Variants in MTNR1A observed in about 807,000 individuals in gnomAD.
MTNR1A encodes the protein melatonin receptor 1A.
MTNR1A carries 7 observed loss-of-function variants against 5.5 expected under a neutral mutation model. That is an observed-to-expected ratio of 1.28 (90% CI 0.73 to 2.40). The LOEUF (loss-of-function observed/expected upper bound fraction) is 2.40, where lower values mean the gene tolerates loss of function less well. Among genes scored for constraint, MTNR1A ranks in the 30% most tolerant of loss-of-function variants. The pLI is 0.00. For synonymous variants in MTNR1A, 196 were observed against 202.7 expected (o/e 0.97, Z 0.28); for missense variants, 441 against 464.4 (o/e 0.95, Z 0.46).
chr4:186,550,060 A>G (rs1737236619), intron 1 of MTNR1A, among the ~76,000 whole-genome samples: 1 of 152,222 alleles, frequency 6.6e-6, no homozygotes, highest in Non-Finnish European at 1.5e-5. Context: ...ACAGCTCTGT[A>G]GAAAGACAAG....
At chr4:186,544,174 C>T (rs1737088337) in intron 1 of MTNR1A, among the ~76,000 whole-genome samples, 1 of 152,112 alleles carries the variant, frequency 6.6e-6, no homozygotes, top group African/African-American at 2.4e-5. Flanking sequence ...GTGCACGCCA[C>T]CATGCCCAGC....
chr4:186,534,053 T>G lies in MTNR1A; in HGVS notation c.689A>C (p.Lys230Thr). Residue 230 changes from lysine (K) to threonine (T), a missense_variant, in exon 2 of 2, where the codon AAA (lysine) becomes ACA (threonine). Physicochemically the swap from Lys to Thr is moderately conservative, Grantham distance 78. Coordinates refer to ENST00000307161, the MANE Select transcript of MTNR1A (RefSeq NM_005958.4). Reference sequence around the variant, plus strand: ...GACAAAATTCCTGAAGTCCTGTGGTTTCAGTTTGGGTTTGCGGTCAGGTTT... The same window carrying G: ...GACAAAATTCCTGAAGTCCTGTGGTGTCAGTTTGGGTTTGCGGTCAGGTTT... ...RVKPDRKPKL[K>T]PQDFRNFVTM... 1 of 1,613,972 alleles carries G rather than the reference T, an allele frequency of 6.2e-7. No individual in the cohort carries two copies. The highest frequency in any genetic ancestry group is 8.5e-7 in the Non-Finnish European group (1 of 1,180,004).
chr4:186,545,107 C>T (rs1313648422), intron 1 of MTNR1A, among the ~76,000 whole-genome samples: 1 of 152,194 alleles, frequency 6.6e-6, no homozygotes, highest in East Asian at 1.9e-4. Context: ...CCTGAGAGTG[C>T]TCCCTCAGCA....
rs1359887180 is a variant in MTNR1A, at chr4:186,555,384, G to T, written c.-19C>A. 6 of 1,401,388 alleles carry T rather than the reference G, an allele frequency of 4.3e-6. No homozygotes were observed. Among genetic ancestry groups the T allele is most frequent in the Non-Finnish European group, 5.6e-6 (6 of 1,075,456 alleles). The allele number at this position is 1,401,388 out of a possible 1,614,324, so 86.8% of individuals were successfully genotyped here. A position where few individuals can be genotyped will look rare whatever the true frequency, so the allele number is the denominator to read the frequency against. On this transcript the variant is annotated 5_prime_UTR_variant, in exon 1 of 2. Coordinates refer to ENST00000307161, the MANE Select transcript of MTNR1A (RefSeq NM_005958.4). The surrounding 1 kb of genome is among the most constrained non-coding windows in gnomAD (Gnocchi z 4.1). ...CCTGCATGGTCCCTGTGCGCGTCCC[G>T]GCCGCGGGGCCATCGCCCGCCTCGT...
intron 1 of MTNR1A, among the ~76,000 whole-genome samples, chr4:186,546,021 G>T (rs1328795381): frequency 6.6e-6 from 1 of 152,126 alleles, no homozygotes. Context: ...AACAAAAGCC[G>T]GATTCAGATC....
At chr4:186,550,397 C>T (rs762891573) in intron 1 of MTNR1A, among the ~76,000 whole-genome samples, 8 of 152,136 alleles carry the variant, frequency 5.3e-5, no homozygotes, top group Non-Finnish European at 8.8e-5. Flanking sequence ...AGGCAACTTA[C>T]AAATATGTAG....
At chr4:186,551,586 CTGGATGGATGAATGGG>C (rs1173580059) in intron 1 of MTNR1A, among the ~76,000 whole-genome samples, 2 of 151,892 alleles carry the variant, frequency 1.3e-5, no homozygotes, top group Non-Finnish European at 2.9e-5. Context: ...CGATGGGTGG[CTGGATGGATGAATGGG>C]TGGTTGGACG....
intron 1 of MTNR1A, among the ~76,000 whole-genome samples, chr4:186,536,923 T>C (rs530611795): frequency 3.7e-4 from 57 of 152,358 alleles, no homozygotes; most frequent in African/African-American, 1.3e-3. Context: ...GAAATTCTGT[T>C]CCAAATCAAA....
rs1208784373 is a variant in MTNR1A at position 186,555,267 on chromosome 4, G to C, written c.99C>G (p.Val33=). The C allele has an allele frequency of 6.4e-7, 1 of 1,559,186 alleles. No individual in the cohort carries two copies. Among genetic ancestry groups the C allele is most frequent in the Non-Finnish European group, 8.7e-7 (1 of 1,152,934 alleles). ...PSWLASALAC[V]LIFTIVVDIL... The stretch of plus-strand genomic sequence containing the variant: ...TGTCCACCACGATGGTGAAGATGAG[G>C]ACGCAGGCCAGGGCGGACGCCAGCC... Residue 33 remains valine (V), a synonymous_variant, in exon 1 of 2, where the codon GTC becomes GTG. Transcript: ENST00000307161. The surrounding 1 kb of genome is among the most constrained non-coding windows in gnomAD (Gnocchi z 4.1).
chr4:186,555,340 GGCAGCGCGCTGCC>G lies in MTNR1A; in HGVS notation c.13_25del (p.Gly5ProfsTer59). On this transcript the variant is annotated frameshift_variant, in exon 1 of 2. Coordinates refer to ENST00000307161, the MANE Select transcript of MTNR1A (RefSeq NM_005958.4). LOFTEE classifies it high-confidence loss of function. This position sits in a 1 kb window ranked among gnomAD's most constrained non-coding sequence, Gnocchi z 4.1. The stretch of plus-strand genomic sequence containing the variant: ...GCGGAGCACGGGCTGGGAGGCGTTG[GGCAGCGCGCTGCC>G]GTTGCCCTGCATGGTCCCTGTGCGC... The G allele has an allele frequency of 6.5e-7, 1 of 1,542,870 alleles. No homozygotes were observed. The highest frequency in any genetic ancestry group is 8.7e-7 in the Non-Finnish European group (1 of 1,143,778).
At chr4:186,538,410 T>C (rs1736925307) in intron 1 of MTNR1A, among the ~76,000 whole-genome samples, 1 of 152,230 alleles carries the variant, frequency 6.6e-6, no homozygotes, top group South Asian at 2.1e-4. Context: ...GCCCTCAGTA[T>C]GTCTGTGTCA....
intron 1 of MTNR1A, among the ~76,000 whole-genome samples, chr4:186,549,026 G>C (rs1046037033): frequency 6.6e-5 from 10 of 151,148 alleles, no homozygotes; most frequent in Non-Finnish European, 1.3e-4. Context: ...AAAACTAACT[G>C]GCAAAAAATC....
At chr4:186,552,583 A>C (rs1391991546) in intron 1 of MTNR1A, among the ~76,000 whole-genome samples, 2 of 152,234 alleles carry the variant, frequency 1.3e-5, no homozygotes, top group Non-Finnish European at 2.9e-5. Context: ...GAAAACAAAC[A>C]AGCCAACACA....
intron 1 of MTNR1A, among the ~76,000 whole-genome samples, chr4:186,536,294 A>C (rs1247069669): frequency 3.0e-4 from 46 of 151,982 alleles, no homozygotes; most frequent in African/African-American, 1.1e-3. Context: ...TGCAGTGAGC[A>C]GAGATCGCGC....
At chr4:186,545,770 C>A (rs1192730513) in intron 1 of MTNR1A, among the ~76,000 whole-genome samples, 3 of 151,614 alleles carry the variant, frequency 2.0e-5, no homozygotes, top group Non-Finnish European at 2.9e-5. Context: ...GAACTATTTA[C>A]AAACTTGGTT....
chr4:186,554,021 A>G (rs7670161), intron 1 of MTNR1A, among the ~76,000 whole-genome samples: 11,308 of 152,256 alleles, frequency 0.074, 657 homozygotes, highest in East Asian at 0.31. Flanking sequence ...CTAGGATTCA[A>G]TTAACCCAGT....
intron 1 of MTNR1A, among the ~76,000 whole-genome samples, chr4:186,552,849 T>G (rs1437020046): frequency 6.6e-6 from 1 of 152,244 alleles, no homozygotes; most frequent in Non-Finnish European, 1.5e-5. Context: ...GTAGCTTCAC[T>G]TCTATTATCA....
chr4:186,534,522 G>C lies in MTNR1A; in HGVS notation c.220C>G (p.Leu74Val). Residue 74 changes from leucine (L) to valine (V), a missense_variant, in exon 2 of 2, where the codon CTG becomes GTG. By Grantham distance (32) the Leu-to-Val change is conservative (BLOSUM62 1). Coordinates refer to ENST00000307161, the MANE Select transcript of MTNR1A (RefSeq NM_005958.4). The stretch of plus-strand genomic sequence containing the variant: ...GGGTACGGATAAATGGCCACCACCA[G>C]GTCTGCCACCGCTAAGCTCACCACA... ...IFVVSLAVAD[L>V]VVAIYPYPLV... 1 of 1,613,582 alleles carries C rather than the reference G, an allele frequency of 6.2e-7. No individual in the cohort carries two copies. The highest frequency in any genetic ancestry group is 8.5e-7 in the Non-Finnish European group (1 of 1,180,022).
At chr4:186,548,841 A>ATATG (rs1553981689) in intron 1 of MTNR1A, among the ~76,000 whole-genome samples, 3 of 62,506 alleles carry the variant, frequency 4.8e-5, no homozygotes, top group African/African-American at 2.1e-4. Context: ...ATATATATAT[A>ATATG]TATATACACT....
Sources: allele counts gnomAD v4.1 joint callset (sites outside exome capture counted in the v4.1 genomes callset), GRCh38; gene constraint gnomAD v4.1.1; non-coding constraint Gnocchi (gnomAD v3.1); transcripts MANE v1.5; gene names NCBI Gene and HGNC (gene_info 2026-07-23, HGNC 2026-07-21).